Variants in SVEP1 observed in about 807,000 individuals in gnomAD.
SVEP1 encodes the protein sushi, von Willebrand factor type A, EGF and pentraxin domain-containing protein 1.
Under a neutral mutation model 367.3 loss-of-function variants are expected in SVEP1, and 164 were observed. The ratio of observed to expected loss-of-function variants is 0.45; its 90% CI spans 0.39 to 0.51. SVEP1 has a LOEUF of 0.51. SVEP1 is among the 20% of genes least tolerant of loss of function. SVEP1 has a pLI of 0.00. For missense variants in SVEP1, 4,117 were observed against 4,425.3 expected, an observed-to-expected ratio of 0.93 and a Z score of 1.98; for synonymous variants, 1,666 against 1,611.6, an observed-to-expected ratio of 1.03 and a Z score of -0.81.
At position 110,407,193 on chromosome 9, in the gene SVEP1, G is replaced by A. The variant is rs1380724737; in HGVS notation, c.8407C>T (p.Pro2803Ser). The A allele has an allele frequency of 1.2e-6, 2 of 1,613,864 alleles. No homozygotes were observed. The highest frequency in any genetic ancestry group is 1.7e-6 in the Non-Finnish European group (2 of 1,179,876). The stretch of plus-strand genomic sequence containing the variant: ...TCAGTGCCATTCAGCACATATCCGG[G>A]GTCACACTCATAGTACAACGTGCTC... Reference protein sequence around the residue: ...YLSTLYYECDPGYVLNGTERR... With the variant: ...YLSTLYYECDSGYVLNGTERR... Residue 2803 changes from proline to serine, a missense_variant, in exon 38 of 48, where the codon CCC becomes TCC. Pro to Ser is a moderately conservative substitution (Grantham distance 74, BLOSUM62 -1). Coordinates refer to ENST00000374469, the MANE Select transcript of SVEP1 (RefSeq NM_153366.4).
At chr9:110,519,062 G>T (rs1490583220) in intron 3 of SVEP1, among the ~76,000 whole-genome samples, 2 of 152,114 alleles carry the variant, frequency 1.3e-5, no homozygotes, top group African/African-American at 2.4e-5. Context: ...GTTTTGTACT[G>T]TCCCCTTCCC....
chr9:110,375,495 G>T, intron 45 of SVEP1, 32 bp from the exon 46 acceptor site: 2 of 1,311,512 alleles, frequency 1.5e-6, no homozygotes, highest in Non-Finnish European at 2.1e-6. Flanking sequence ...AAAAAAGGAG[G>T]CAGGGGGGAT....
At chr9:110,406,045 T>C (rs893630174) in intron 38 of SVEP1, 115 bp downstream of exon 38, 14 of 1,328,348 alleles carry the variant, frequency 1.1e-5, no homozygotes, top group Non-Finnish European at 9.9e-6. Flanking sequence ...CACCAGTGTT[T>C]GGAGAGCAGT....
intron 5 of SVEP1, among the ~76,000 whole-genome samples, chr9:110,510,631 C>T (rs933757011): frequency 1.3e-5 from 2 of 152,224 alleles, no homozygotes; most frequent in Admixed American, 6.5e-5. Context: ...GGATCAGACG[C>T]GAGGCTTGAT....
chr9:110,527,474 G>A (rs1225549760), intron 3 of SVEP1, among the ~76,000 whole-genome samples: 1 of 151,836 alleles, frequency 6.6e-6, no homozygotes, highest in African/African-American at 2.4e-5. Flanking sequence ...TAAAAATTGT[G>A]CTCCATAAAG....
chr9:110,437,728 G>A (rs935066193), intron 27 of SVEP1, among the ~76,000 whole-genome samples: 1 of 151,868 alleles, frequency 6.6e-6, no homozygotes, highest in Admixed American at 6.6e-5. Context: ...AGATTTTGAT[G>A]CACCCATCAC....
intron 1 of SVEP1, among the ~76,000 whole-genome samples, chr9:110,575,420 G>A (rs1380861246): frequency 1.3e-5 from 2 of 152,178 alleles, no homozygotes; most frequent in Non-Finnish European, 2.9e-5. Flanking sequence ...GGTTCTTCCT[G>A]GATGGAGTAG....
At chr9:110,448,142 TGTGTGTGCGC>T (rs1489951023) in intron 24 of SVEP1, among the ~76,000 whole-genome samples, 46 of 68,878 alleles carry the variant, frequency 6.7e-4, no homozygotes, top group South Asian at 1.1e-3. Context: ...TGTGTGTGTG[TGTGTGTGCGC>T]GTGTGTGTGT....
rs935295586 is a variant in SVEP1 at position 110,497,951 on chromosome 9, A to G, written c.1682-1018T>C. On this transcript the variant is annotated intron_variant, in intron 7 of 47. Transcript: ENST00000374469. Reference sequence around the variant, plus strand: ...CAACTCTCTCCCACAGGAAGACATAATAGCATATTAACTCTGAAAAAATTT... The same window carrying G: ...CAACTCTCTCCCACAGGAAGACATAGTAGCATATTAACTCTGAAAAAATTT... 9.9e-5 allele frequency among the ~76,000 whole-genome samples: 13 copies of G among 131,466 alleles called. No homozygotes were observed. In the Admixed American group the frequency reaches 1.0e-3, roughly 10 times the overall value. The allele number at this position is 131,466 out of a possible 152,430, so 86.2% of individuals were successfully genotyped here.
At chr9:110,443,771 T>C in intron 26 of SVEP1, 51 bp from the exon 27 acceptor site, 1 of 1,452,918 alleles carries the variant, frequency 6.9e-7, no homozygotes, top group Non-Finnish European at 9.2e-7. Context: ...TATGTTGCAA[T>C]CCTTACTGTG....
intron 1 of SVEP1, among the ~76,000 whole-genome samples, chr9:110,561,325 CA>C (rs1300657422): frequency 1.3e-5 from 2 of 152,158 alleles, no homozygotes; most frequent in Non-Finnish European, 1.5e-5. Context: ...TCAGTACCCC[CA>C]CTCACATTCC....
intron 40 of SVEP1, among the ~76,000 whole-genome samples, chr9:110,390,790 G>T (rs999724046): frequency 3.3e-5 from 5 of 151,878 alleles, no homozygotes; most frequent in Non-Finnish European, 7.4e-5. Context: ...GTGAGAACAG[G>T]TATTTGCATT....
intron 40 of SVEP1, among the ~76,000 whole-genome samples, chr9:110,391,917 C>T (rs1827661418): frequency 6.6e-6 from 1 of 151,922 alleles, no homozygotes; most frequent in African/African-American, 2.4e-5. Flanking sequence ...TAGAACAAAA[C>T]ATGGAAGGAG....
Position 110,406,921 on chromosome 9 carries a change from G to T in SVEP1, c.8679C>A (p.Thr2893=). The change falls in exon 38 of 48, where the codon ACC becomes ACA. Residue 2893 remains threonine (T), a synonymous_variant. Transcript: ENST00000374469. ...TPDCVPVRCA[T]PPQLANGVTE... is the part of the protein sequence containing the mutation. The stretch of plus-strand genomic sequence containing the variant: ...TCACCCCATTGGCCAGTTGTGGCGG[G>T]GTGGCACATCTGACAGGCACACAGT... 6.2e-7 allele frequency: 1 copy of T among 1,613,890 alleles called. No homozygotes were observed. Among genetic ancestry groups the T allele is most frequent in the Non-Finnish European group, 8.5e-7 (1 of 1,179,896 alleles).
intron 46 of SVEP1, among the ~76,000 whole-genome samples, chr9:110,371,615 C>G (rs1193915055): frequency 6.6e-6 from 1 of 152,138 alleles, no homozygotes; most frequent in Non-Finnish European, 1.5e-5. Context: ...ATACTTAACT[C>G]CTTATCTCTA....
chr9:110,404,699 G>C (rs1187256693), intron 38 of SVEP1, 147 bp from the exon 39 acceptor site: 1 of 747,494 alleles, frequency 1.3e-6, no homozygotes, highest in Non-Finnish European at 2.2e-6. Context: ...CAGGCGGATG[G>C]CATTGCCATG....
intron 1 of SVEP1, among the ~76,000 whole-genome samples, chr9:110,554,619 G>C (rs1444599507): frequency 6.6e-6 from 1 of 152,072 alleles, no homozygotes; most frequent in Non-Finnish European, 1.5e-5. Context: ...AGCCTGAAGA[G>C]GCTCCTTCTG....
chr9:110,424,350 T>TA (rs200680363), intron 36 of SVEP1, among the ~76,000 whole-genome samples: 4 of 40,392 alleles, frequency 9.9e-5, no homozygotes. Context: ...GGGATAAATG[T>TA]AAAAAAAATA....
chr9:110,496,701 A>G, intron 8 of SVEP1, 114 bp downstream of exon 8: 1 of 693,926 alleles, frequency 1.4e-6, no homozygotes, highest in South Asian at 1.9e-5. Context: ...CTGTCCCTCT[A>G]GAGAACCCTA....
Sources: allele counts gnomAD v4.1 joint callset (sites outside exome capture counted in the v4.1 genomes callset), GRCh38; gene constraint gnomAD v4.1.1; transcripts MANE v1.5; gene names NCBI Gene and HGNC (gene_info 2026-07-23, HGNC 2026-07-21).